The following VCAN variants were observed in gnomAD, a reference collection of about 807,000 sequenced individuals.
VCAN encodes versican, also known as versican core protein.
A neutral mutation model predicts 245.5 loss-of-function variants in VCAN; 44 were observed. The ratio of observed to expected loss-of-function variants is 0.18; its 90% CI spans 0.14 to 0.23. The LOEUF (loss-of-function observed/expected upper bound fraction) is 0.23, where lower values mean the gene tolerates loss of function less well. VCAN is among the 10% of genes least tolerant of loss of function. VCAN has a pLI of 1.00. For missense variants in VCAN, 3,793 were observed against 4,057.9 expected, an observed-to-expected ratio of 0.93 and a Z score of 1.77; for synonymous variants, 1,413 against 1,437.0, an observed-to-expected ratio of 0.98 and a Z score of 0.38.
intron 9 of VCAN, among the ~76,000 whole-genome samples, chr5:83,546,885 T>A (rs1164937448): frequency 6.6e-6 from 1 of 152,186 alleles, no homozygotes; most frequent in Non-Finnish European, 1.5e-5. Context: ...AACATTAAAT[T>A]TTTAGTGTAA....
chr5:83,497,047 G>A (rs1209520822), intron 5 of VCAN, among the ~76,000 whole-genome samples: 2 of 152,138 alleles, frequency 1.3e-5, no homozygotes. Flanking sequence ...GAGAAATGGT[G>A]GGGACAGTAA....
chr5:83,503,403 A>C lies in VCAN; in HGVS notation c.749-8700A>C, dbSNP rs1191875585. Among the ~76,000 whole-genome samples, 4 of 152,306 alleles carry C rather than the reference A, an allele frequency of 2.6e-5. No homozygotes were observed. In the East Asian group the frequency reaches 5.8e-4, roughly 22 times the overall value. ...TCATGTAACTACTTCCAGCTTACTC[A>C]TCCCATTTACTTTTGCATACATTTA... On this transcript the variant is annotated intron_variant, in intron 5 of 14. Transcript: ENST00000265077.
At chr5:83,548,246 T>C (rs553659656) in intron 10 of VCAN, among the ~76,000 whole-genome samples, 162 bp downstream of exon 10, 26 of 152,196 alleles carry the variant, frequency 1.7e-4, no homozygotes, top group Non-Finnish European at 2.6e-4. Context: ...GACTTGATTA[T>C]GGTTGTTTAG....
chr5:83,549,211 C>T (rs1210352878), intron 10 of VCAN, among the ~76,000 whole-genome samples: 1 of 152,114 alleles, frequency 6.6e-6, no homozygotes, highest in African/African-American at 2.4e-5. Flanking sequence ...TTCAAAAAAT[C>T]GTTTTTTCAA....
At chr5:83,491,050 C>T (rs562862667) in intron 3 of VCAN, among the ~76,000 whole-genome samples, 3 of 152,068 alleles carry the variant, frequency 2.0e-5, no homozygotes, top group Admixed American at 6.5e-5. Flanking sequence ...TATTTGAATT[C>T]GATCAAACAG....
At chr5:83,502,929 A>G (rs937595914) in intron 5 of VCAN, among the ~76,000 whole-genome samples, 3 of 152,188 alleles carry the variant, frequency 2.0e-5, no homozygotes, top group Admixed American at 6.5e-5. Context: ...CCAGCCTAAC[A>G]CTAACTCTGG....
Position 83,565,419 on chromosome 5 carries a change from G to GTGTGTA in VCAN, c.9736-6992_9736-6991insATGTGT, listed in dbSNP as rs749549300. On this transcript the variant is annotated intron_variant, in intron 12 of 14. Transcript: ENST00000265077. ...TGTGTGTGTGTGTGTGTGTGTGTGT[G>GTGTGTA]TGTGTGTATGTGTGAGAGAGAGACA... Among the ~76,000 whole-genome samples the GTGTGTA allele has an allele frequency of 8.8e-3, 1,183 of 134,714 alleles. 5 individuals are homozygous for GTGTGTA. The highest frequency in any genetic ancestry group is 0.042 in the Middle Eastern group (12 of 284). 88.4% of individuals were successfully genotyped at this position (134,714 alleles called of 152,430 possible).
chr5:83,538,316 A>G lies in VCAN; in HGVS notation c.5313A>G (p.Lys1771=), dbSNP rs1464088296. The stretch of plus-strand genomic sequence containing the variant: ...CATCTAGTGATTCAGGTACCAGGAA[A>G]AGTTTTATGTCCTTGACAACACCAA... The part of the protein sequence containing the change: ...VATSSDSGTR[K]SFMSLTTPTQ... The change falls in exon 8 of 15, where the codon AAA becomes AAG. Residue 1771 remains lysine (K), a synonymous_variant. Transcript: ENST00000265077. The G allele has an allele frequency of 6.2e-7, 1 of 1,614,076 alleles. No homozygotes were observed. The highest frequency in any genetic ancestry group is 8.5e-7 in the Non-Finnish European group (1 of 1,179,960).
chr5:83,532,217 T>C (rs185508669), intron 7 of VCAN, among the ~76,000 whole-genome samples: 1 of 152,222 alleles, frequency 6.6e-6, no homozygotes, highest in Non-Finnish European at 1.5e-5. Context: ...TAATCTCTGT[T>C]GAGATTCTCT....
intron 12 of VCAN, among the ~76,000 whole-genome samples, chr5:83,570,980 G>C (rs1748266053): frequency 6.6e-6 from 1 of 151,986 alleles, no homozygotes; most frequent in South Asian, 2.1e-4. Context: ...TTAATTCAAG[G>C]AAAGACTAAC....
chr5:83,493,504 A>G (rs1160680737), intron 3 of VCAN, 42 bp from the exon 4 acceptor site: 1 of 1,611,994 alleles, frequency 6.2e-7, no homozygotes, highest in African/African-American at 1.3e-5. Context: ...GTGCAGTGGG[A>G]GATTTGAACA....
At chr5:83,524,687 T>G (rs969908343) in intron 7 of VCAN, among the ~76,000 whole-genome samples, 1 of 152,162 alleles carries the variant, frequency 6.6e-6, no homozygotes, top group African/African-American at 2.4e-5. Context: ...CACCTCTAAC[T>G]GCTCACCTAT....
In VCAN at chr5:83,520,450, A is replaced by C; in HGVS notation, c.2144A>C (p.Lys715Thr). The C allele has an allele frequency of 6.2e-7, 1 of 1,613,988 alleles. No homozygotes were observed. The highest frequency in any genetic ancestry group is 8.5e-7 in the Non-Finnish European group (1 of 1,179,964). ...EEITKSPFMG[K>T]TEEEVFSGMK... ...ATCACTAAAAGTCCATTTATGGGAAAAACAGAAGAAGAAGTCTTCTCTGGG... is the reference window on the plus strand; with the variant it reads ...ATCACTAAAAGTCCATTTATGGGAACAACAGAAGAAGAAGTCTTCTCTGGG... The change falls in exon 7 of 15, where the codon AAA becomes ACA. Residue 715 changes from lysine to threonine, a missense_variant. Physicochemically the swap from Lys to Thr is moderately conservative, Grantham distance 78 (BLOSUM62 -1). Around this residue, in one of 5 missense-constraint regions of VCAN, gnomAD observed 3,182 missense variants for 3,250.3 expected, o/e 0.98. Coordinates refer to ENST00000265077, the MANE Select transcript of VCAN (RefSeq NM_004385.5).
At chr5:83,503,590 G>T (rs1437019333) in intron 5 of VCAN, among the ~76,000 whole-genome samples, 1 of 152,188 alleles carries the variant, frequency 6.6e-6, no homozygotes, top group Admixed American at 6.5e-5. Context: ...TAGTTTATAA[G>T]AACTGATTTT....
At chr5:83,557,818 G>T (rs964381529) in intron 12 of VCAN, among the ~76,000 whole-genome samples, 2 of 152,050 alleles carry the variant, frequency 1.3e-5, no homozygotes, top group African/African-American at 4.8e-5. Context: ...TAATTAGTTG[G>T]CACTTTCACT....
rs756371655 is a variant in VCAN at position 83,539,280 on chromosome 5, G to C, written c.6277G>C (p.Glu2093Gln). Residue 2093 changes from glutamate to glutamine, a missense_variant, in exon 8 of 15, where the codon GAG becomes CAG. By Grantham distance (29) the Glu-to-Gln change is conservative (BLOSUM62 2). Around this residue, in one of 5 missense-constraint regions of VCAN, gnomAD observed 3,182 missense variants for 3,250.3 expected, o/e 0.98. Coordinates refer to ENST00000265077, the MANE Select transcript of VCAN (RefSeq NM_004385.5). ...TTCAACAAACTTTCCCCAAACTATAGAGCCAGCCAAATTATGGTCTAGGCA... is the reference window on the plus strand; with the variant it reads ...TTCAACAAACTTTCCCCAAACTATACAGCCAGCCAAATTATGGTCTAGGCA... Reference protein sequence around the residue: ...TVSTNFPQTIEPAKLWSRQEV... With the variant: ...TVSTNFPQTIQPAKLWSRQEV... 3 of 1,614,034 alleles carry C rather than the reference G, an allele frequency of 1.9e-6. No individual in the cohort carries two copies. Among genetic ancestry groups the C allele is most frequent in the Non-Finnish European group, 2.5e-6 (3 of 1,179,974 alleles).
chr5:83,478,789 T>A (rs556613607), intron 1 of VCAN, among the ~76,000 whole-genome samples: 2 of 152,368 alleles, frequency 1.3e-5, no homozygotes, highest in South Asian at 4.1e-4. Context: ...CTAGGCATTG[T>A]GGATACAGGA....
intron 12 of VCAN, among the ~76,000 whole-genome samples, chr5:83,560,849 C>A (rs897164839): frequency 2.0e-5 from 3 of 152,052 alleles, no homozygotes; most frequent in Non-Finnish European, 4.4e-5. Flanking sequence ...TTCAATGATT[C>A]CCCCCAGCAC....
intron 9 of VCAN, 91 bp downstream of exon 9, chr5:83,545,741 A>G (rs935794100): frequency 5.8e-6 from 6 of 1,042,210 alleles, no homozygotes; most frequent in Admixed American, 3.4e-5. Context: ...AGAGATTTCA[A>G]AGAAACCCAT....
Sources: gnomAD v4.1 joint callset for allele counts (sites outside exome capture counted in the v4.1 genomes callset) on GRCh38, gnomAD v4.1.1 for gene constraint, gnomAD v4.1.1 regional missense constraint, MANE v1.5 for transcripts, NCBI Gene and HGNC (gene_info 2026-07-23, HGNC 2026-07-21) for gene names.